MAN2A1: variants seen among roughly 807,000 people sequenced by gnomAD.
MAN2A1 encodes mannosidase alpha class 2A member 1.
In MAN2A1, 76 loss-of-function variants were observed where a neutral mutation model predicts 142.6. That is an observed-to-expected ratio of 0.53 (90% CI 0.44 to 0.65). The LOEUF (loss-of-function observed/expected upper bound fraction) is 0.65, where lower values mean the gene tolerates loss of function less well. Ranked by LOEUF, MAN2A1 falls within the 30% of genes least tolerant of loss-of-function variation. MAN2A1 has a pLI of 0.00. For synonymous variants in MAN2A1, 559 were observed against 473.2 expected (o/e 1.18, Z -2.35); for missense variants, 1,311 against 1,365.1 (o/e 0.96, Z 0.62).
At chr5:109,802,280 G>A (rs1754052629) in intron 12 of MAN2A1, among the ~76,000 whole-genome samples, 1 of 152,076 alleles carries the variant, frequency 6.6e-6, no homozygotes, top group Non-Finnish European at 1.5e-5. Flanking sequence ...TTTAATTTTA[G>A]GAAAGTACTG....
In MAN2A1 at chr5:109,713,136, A is replaced by T. The variant is rs529273727; in HGVS notation, c.136-384A>T. On this transcript the variant is annotated intron_variant, in intron 1 of 21. Transcript: ENST00000261483. ...CATACTTTTTTGACCCTTGTGAGTA[A>T]CTCCAGTCAATTATACTTAAATTAA... 1.2e-3 allele frequency among the ~76,000 whole-genome samples: 178 copies of T among 152,210 alleles called. 1 individual carries two copies. Among genetic ancestry groups the T allele is most frequent in the African/African-American group, 4.2e-3 (176 of 41,532 alleles).
chr5:109,826,651 G>C (rs1027983576), intron 16 of MAN2A1, among the ~76,000 whole-genome samples: 1 of 152,136 alleles, frequency 6.6e-6, no homozygotes, highest in Non-Finnish European at 1.5e-5. Flanking sequence ...CTGAACACTC[G>C]GGTTGTCTCA....
intron 9 of MAN2A1, among the ~76,000 whole-genome samples, chr5:109,784,231 T>C (rs1462330443): frequency 6.6e-6 from 1 of 152,152 alleles, no homozygotes; most frequent in East Asian, 1.9e-4. Flanking sequence ...AAACTAACCC[T>C]TTCCCCTGAA....
chr5:109,789,750 C>G (rs529229492), intron 12 of MAN2A1, among the ~76,000 whole-genome samples: 10 of 151,896 alleles, frequency 6.6e-5, no homozygotes, highest in African/African-American at 2.2e-4. Context: ...AACAATATTT[C>G]TCACAGATAT....
At chr5:109,734,309 A>C (rs187928153) in intron 4 of MAN2A1, among the ~76,000 whole-genome samples, 1 of 149,866 alleles carries the variant, frequency 6.7e-6, no homozygotes, top group African/African-American at 2.4e-5. Flanking sequence ...TTTTGAAAAA[A>C]AAAAAAACCA....
intron 1 of MAN2A1, among the ~76,000 whole-genome samples, chr5:109,694,734 C>T (rs1353580889): frequency 2.0e-5 from 3 of 151,802 alleles, no homozygotes; most frequent in African/African-American, 7.3e-5. Context: ...ACTTAAGAGT[C>T]CAGCATAGTA....
chr5:109,862,258 C>A (rs1004982067), intron 20 of MAN2A1: 1 of 152,206 alleles, frequency 6.6e-6, no homozygotes, highest in African/African-American at 2.4e-5. Flanking sequence ...CCAGCTTTAT[C>A]TGATGGCTTC....
At chr5:109,792,525 T>A (rs533794437) in intron 12 of MAN2A1, among the ~76,000 whole-genome samples, 1 of 152,252 alleles carries the variant, frequency 6.6e-6, no homozygotes, top group Admixed American at 6.6e-5. Flanking sequence ...TCTAGGTACT[T>A]CTTCTTACCT....
chr5:109,846,857 A>C (rs1755356635), intron 18 of MAN2A1, among the ~76,000 whole-genome samples: 1 of 152,154 alleles, frequency 6.6e-6, no homozygotes, highest in Admixed American at 6.6e-5. Flanking sequence ...CCATAAAGAC[A>C]TGAATTCGAT....
chr5:109,868,321 C>T lies in MAN2A1; in HGVS notation c.*1323C>T, dbSNP rs1360069146. The T allele has an allele frequency of 6.6e-6, 1 of 152,108 alleles. No individual in the cohort carries two copies. The highest frequency in any genetic ancestry group is 1.9e-4 in the East Asian group (1 of 5,204). The allele number at this position is 152,108 out of a possible 1,614,324, so 9.4% of individuals were successfully genotyped here. ...CTAACCTTAAAGTGAAGTTCTGAGC[C>T]CGTGTGCCATTACAGTGCTTTTAAT... On this transcript the variant is annotated 3_prime_UTR_variant, in exon 22 of 22. Coordinates refer to ENST00000261483, the MANE Select transcript of MAN2A1 (RefSeq NM_002372.4).
At chr5:109,742,666 T>A (rs1752300912) in intron 4 of MAN2A1, among the ~76,000 whole-genome samples, 1 of 152,214 alleles carries the variant, frequency 6.6e-6, no homozygotes, top group African/African-American at 2.4e-5. Flanking sequence ...TTTATGGTAT[T>A]TAACTGAAGG....
chr5:109,707,982 C>A (rs182149853), intron 1 of MAN2A1, among the ~76,000 whole-genome samples: 1 of 151,974 alleles, frequency 6.6e-6, no homozygotes, highest in East Asian at 1.9e-4. Flanking sequence ...GAGGTTTCAG[C>A]GGGAGATACA....
chr5:109,857,618 C>T (rs1395843856), intron 20 of MAN2A1, among the ~76,000 whole-genome samples: 1 of 152,172 alleles, frequency 6.6e-6, no homozygotes, highest in Admixed American at 6.5e-5. Context: ...TAGGGTTTTA[C>T]CTTCTGTAAA....
chr5:109,761,767 A>G (rs1341073102), intron 5 of MAN2A1, among the ~76,000 whole-genome samples: 1 of 152,028 alleles, frequency 6.6e-6, no homozygotes, highest in Non-Finnish European at 1.5e-5. Context: ...CTCAGATCCT[A>G]GGCTTAGAGG....
chr5:109,725,081 G>A (rs113359822), intron 3 of MAN2A1, among the ~76,000 whole-genome samples: 2,814 of 152,108 alleles, frequency 0.018, 34 homozygotes, highest in Middle Eastern at 0.071. Context: ...GTGTGCTCAG[G>A]CCTGCTTCTA....
At chr5:109,785,153 T>C (rs141020027) in intron 10 of MAN2A1, among the ~76,000 whole-genome samples, 162 of 152,146 alleles carry the variant, frequency 1.1e-3, no homozygotes, top group African/African-American at 3.7e-3. Context: ...GCAAATAGGG[T>C]AGTAAAATAT....
intron 4 of MAN2A1, among the ~76,000 whole-genome samples, chr5:109,747,961 C>G (rs921239743): frequency 2.6e-5 from 4 of 152,106 alleles, no homozygotes; most frequent in East Asian, 3.8e-4. Flanking sequence ...ATAGGCATCC[C>G]TAATGGGTGT....
intron 12 of MAN2A1, among the ~76,000 whole-genome samples, chr5:109,798,405 G>C (rs1753919559): frequency 1.3e-5 from 2 of 152,180 alleles, no homozygotes; most frequent in Admixed American, 6.5e-5. Context: ...TGGCCAAGTG[G>C]ATAGCTCTCT....
At chr5:109,693,787 T>C (rs950252933) in intron 1 of MAN2A1, among the ~76,000 whole-genome samples, 1 of 152,154 alleles carries the variant, frequency 6.6e-6, no homozygotes, top group Non-Finnish European at 1.5e-5. Flanking sequence ...CTGGGAGGAA[T>C]TCCTTGGAGG....
Sources: allele counts gnomAD v4.1 joint callset (sites outside exome capture counted in the v4.1 genomes callset), GRCh38; gene constraint gnomAD v4.1.1; transcripts MANE v1.5; gene names NCBI Gene and HGNC (gene_info 2026-07-23, HGNC 2026-07-21).